Variants in PHIP observed in about 807,000 individuals in gnomAD.
The protein encoded by PHIP is PHIP subunit of CUL4-Ring ligase complex.
PHIP carries 54 observed loss-of-function variants against 236.8 expected under a neutral mutation model. That is an observed-to-expected ratio of 0.23 (90% confidence interval 0.18 to 0.29). The LOEUF (loss-of-function observed/expected upper bound fraction) is 0.29, where lower values mean the gene tolerates loss of function less well. Ranked by LOEUF, PHIP falls within the 10% of genes least tolerant of loss-of-function variation. PHIP has a pLI of 1.00. For missense variants in PHIP, 1,370 were observed against 2,190.8 expected, an observed-to-expected ratio of 0.63 and a Z score of 7.48; for synonymous variants, 756 against 718.9, an observed-to-expected ratio of 1.05 and a Z score of -0.83.
intron 31 of PHIP, among the ~76,000 whole-genome samples, chr6:78,960,991 T>C (rs1364095754): frequency 6.6e-6 from 1 of 152,150 alleles, no homozygotes; most frequent in African/African-American, 2.4e-5. Flanking sequence ...GTTGGACTGC[T>C]AAGCAAAGGT....
chr6:78,944,712 G>A (rs1043538856), intron 39 of PHIP, among the ~76,000 whole-genome samples: 1 of 152,160 alleles, frequency 6.6e-6, no homozygotes, highest in South Asian at 2.1e-4. Flanking sequence ...CAACAATGAA[G>A]AAATGTCTTA....
At chr6:79,000,790 C>T (rs562878786) in intron 17 of PHIP, among the ~76,000 whole-genome samples, 26 of 152,186 alleles carry the variant, frequency 1.7e-4, no homozygotes, top group African/African-American at 4.8e-4. Context: ...GCTGTGTCCA[C>T]GTACTGAGAC....
intron 36 of PHIP, among the ~76,000 whole-genome samples, chr6:78,947,385 T>C (rs1018549904): frequency 1.3e-5 from 2 of 152,180 alleles, no homozygotes; most frequent in South Asian, 2.1e-4. Flanking sequence ...CCAGGACAAT[T>C]TGCATCAACC....
rs11370597 is a variant in PHIP at position 78,947,951 on chromosome 6, TC to T, written c.4054-177del. On this transcript the variant is annotated intron_variant, in intron 35 of 39. Coordinates refer to ENST00000275034, the MANE Select transcript of PHIP (RefSeq NM_017934.7). ...CTAATAATTCTTATTTATTTCATACTCCCCCCCCTTATACTGCAATCAACAA... is the reference window on the plus strand; with the variant it reads ...CTAATAATTCTTATTTATTTCATACTCCCCCCCTTATACTGCAATCAACAA... 4.0e-4 allele frequency among the ~76,000 whole-genome samples: 60 copies of T among 150,858 alleles called. 1 individual carries two copies. The East Asian group carries it at 4.7e-3, about 12-fold the overall frequency.
rs1260019395 is a variant in PHIP at position 79,075,175 on chromosome 6, C to CA, written c.189+2272dup. On this transcript the variant is annotated intron_variant, in intron 4 of 39. Coordinates refer to ENST00000275034, the MANE Select transcript of PHIP (RefSeq NM_017934.7). ...TTAAACAGCGAGATCAACTATTGAACAAAAAAATCCAGTGTTCCAAATGTT... is the reference window on the plus strand; with the variant it reads ...TTAAACAGCGAGATCAACTATTGAACAAAAAAAATCCAGTGTTCCAAATGTT... Among the ~76,000 whole-genome samples the CA allele has an allele frequency of 5.3e-5, 8 of 151,918 alleles. No individual in the cohort carries two copies. In the South Asian group the frequency reaches 1.0e-3, roughly 20 times the overall value.
chr6:78,986,508 C>A (rs1401103727), intron 21 of PHIP, among the ~76,000 whole-genome samples: 3 of 152,146 alleles, frequency 2.0e-5, no homozygotes, highest in Admixed American at 2.0e-4. Context: ...CTTAAATAAA[C>A]AAACTAAAGC....
In PHIP at chr6:78,946,057, G is replaced by A. The variant is rs991929259; in HGVS notation, c.4574C>T (p.Ser1525Leu). 2 of 1,612,326 alleles carry A rather than the reference G, an allele frequency of 1.2e-6. No homozygotes were observed. Among genetic ancestry groups the A allele is most frequent in the South Asian group, 1.1e-5 (1 of 91,046 alleles). The part of the protein sequence containing the change: ...PVVTEQPSTS[S>L]AAKTFITKAN... ...TTTTGTAATAAAAGTCTTTGCAGCT[G>A]AAGAAGTAGATGGTTGCTCAGTGAC... The change falls in exon 38 of 40, where the codon TCA becomes TTA. Residue 1525 changes from serine (S) to leucine (L), a missense_variant. Physicochemically the swap from Ser to Leu is moderately radical, Grantham distance 145 (BLOSUM62 -2). This residue lies in a region of PHIP where 309 missense variants were observed against 328.3 expected (regional missense o/e 0.94). Coordinates refer to ENST00000275034, the MANE Select transcript of PHIP (RefSeq NM_017934.7).
At chr6:79,054,692 G>A (rs1439327505) in intron 6 of PHIP, among the ~76,000 whole-genome samples, 1 of 150,342 alleles carries the variant, frequency 6.7e-6, no homozygotes, top group Non-Finnish European at 1.5e-5. Flanking sequence ...AATTATGTAA[G>A]AAATATATGA....
intron 17 of PHIP, among the ~76,000 whole-genome samples, 200 bp downstream of exon 17, chr6:79,001,699 C>T (rs1008240555): frequency 2.0e-5 from 3 of 152,022 alleles, no homozygotes; most frequent in African/African-American, 7.2e-5. Flanking sequence ...GATAATAAAT[C>T]AAAATTATTA....
chr6:78,952,830 A>G (rs1446421350), intron 35 of PHIP, among the ~76,000 whole-genome samples: 2 of 145,976 alleles, frequency 1.4e-5, no homozygotes, highest in Non-Finnish European at 3.0e-5. Flanking sequence ...AACCAAAACT[A>G]TCTATCAAAG....
At chr6:79,003,907 G>C (rs1349871195) in intron 15 of PHIP, 49 bp from the exon 16 acceptor site, 1 of 1,283,516 alleles carries the variant, frequency 7.8e-7, no homozygotes, top group East Asian at 2.4e-5. Flanking sequence ...AAAATGAAAA[G>C]AATTGGTCAC....
Position 78,945,149 on chromosome 6 carries a change from T to C in PHIP, c.4828+151A>G, listed in dbSNP as rs1773732068. On this transcript the variant is annotated intron_variant, in intron 39 of 39. Transcript: ENST00000275034. ...ACCAGGATGGAGTGCAGTGGCACAA[T>C]AATAGCTCATTGCAGTAAATTTATC... 5 of 613,060 alleles carry C rather than the reference T, an allele frequency of 8.2e-6. No homozygotes were observed. The East Asian group carries it at 1.1e-4, about 14-fold the overall frequency. The allele number at this position is 613,060 out of a possible 1,614,324, so 38.0% of individuals were successfully genotyped here.
Position 78,940,282 on chromosome 6 carries a change from T to G in PHIP, c.*411A>C, listed in dbSNP as rs998309804. On this transcript the variant is annotated 3_prime_UTR_variant, in exon 40 of 40. Transcript: ENST00000275034. ...TGTATCAATAGAAATGTACCTCACT[T>G]GGTCAAAAATAATTCATTTTAACAT... 30 of 151,922 alleles carry G rather than the reference T, an allele frequency of 2.0e-4. No homozygotes were observed. Among genetic ancestry groups the G allele is most frequent in the African/African-American group, 7.2e-4 (30 of 41,422 alleles). The allele number at this position is 151,922 out of a possible 1,614,324, so 9.4% of individuals were successfully genotyped here. A position where few individuals can be genotyped will look rare whatever the true frequency, so the allele number is the denominator to read the frequency against.
At chr6:78,982,005 ATTC>A (rs1405788210) in intron 23 of PHIP, among the ~76,000 whole-genome samples, 5 of 151,972 alleles carry the variant, frequency 3.3e-5, no homozygotes, top group African/African-American at 1.2e-4. Flanking sequence ...AAACAGATAT[ATTC>A]TTATACTTTT....
At chr6:79,077,347 GTTCTAGGGCCAAGT>G (rs1167964456) in intron 4 of PHIP, 87 bp downstream of exon 4, 1 of 1,135,036 alleles carries the variant, frequency 8.8e-7, no homozygotes, top group Non-Finnish European at 1.3e-6. Flanking sequence ...GAGCTTTCAC[GTTCTAGGGCCAAGT>G]TTTTGTCTCT....
chr6:78,978,526 A>T, intron 24 of PHIP, 66 bp downstream of exon 24: 1 of 1,317,692 alleles, frequency 7.6e-7, no homozygotes, highest in Non-Finnish European at 1.1e-6. Flanking sequence ...AGTCTATTTC[A>T]AGAGCTGTTA....
chr6:79,047,945 A>G (rs928686911), intron 6 of PHIP, among the ~76,000 whole-genome samples: 4 of 151,582 alleles, frequency 2.6e-5, no homozygotes, highest in African/African-American at 9.7e-5. Context: ...TTACTAAATA[A>G]TTCTTTTCTA....
At chr6:79,058,589 G>A in intron 6 of PHIP, among the ~76,000 whole-genome samples, 1 of 152,064 alleles carries the variant, frequency 6.6e-6, no homozygotes, top group Non-Finnish European at 1.5e-5. Context: ...CTGCATGTGT[G>A]AACTTGGTCA....
intron 30 of PHIP, 67 bp from the exon 31 acceptor site, chr6:78,961,877 C>T (rs1285596278): frequency 7.7e-7 from 1 of 1,301,666 alleles, no homozygotes; most frequent in African/African-American, 1.5e-5. Flanking sequence ...AAGAATTCTG[C>T]TTGAATTAAG....
Sources: allele counts gnomAD v4.1 joint callset (sites outside exome capture counted in the v4.1 genomes callset), GRCh38; gene constraint gnomAD v4.1.1; regional missense constraint gnomAD v4.1.1; transcripts MANE v1.5; gene names NCBI Gene and HGNC (gene_info 2026-07-23, HGNC 2026-07-21).